PCMTD2: variants seen among roughly 807,000 people sequenced by gnomAD.
PCMTD2 encodes protein-L-isoaspartate (D-aspartate) O-methyltransferase domain containing 2.
Under a neutral mutation model 33.4 loss-of-function variants are expected in PCMTD2, and 16 were observed. The observed-to-expected ratio is 0.48, with a 90% CI of 0.32 to 0.73. The LOEUF (loss-of-function observed/expected upper bound fraction) is 0.73, where lower values mean the gene tolerates loss of function less well. PCMTD2 is among the 30% of genes least tolerant of loss of function. PCMTD2 has a pLI of 0.03. For missense variants in PCMTD2, 374 were observed against 449.9 expected, an observed-to-expected ratio of 0.83 and a Z score of 1.53; for synonymous variants, 161 against 160.8, an observed-to-expected ratio of 1.00 and a Z score of -0.01.
At chr20:64,260,554 G>A (rs999530077) in intron 2 of PCMTD2, among the ~76,000 whole-genome samples, 3 of 152,072 alleles carry the variant, frequency 2.0e-5, no homozygotes, top group Non-Finnish European at 2.9e-5. Flanking sequence ...TCTGGACAGC[G>A]GAGGATAAAG....
At position 64,260,020 on chromosome 20, in the gene PCMTD2, A is replaced by G; in HGVS notation, c.55A>G (p.Lys19Glu). ...EDNDELIDNL[K>E]EAQYIRTELV... ...CAATGATGAGCTGATAGATAATTTG[A>G]AAGAAGCACAGTATATCCGGACTGA... Residue 19 changes from lysine (K) to glutamate (E), a missense_variant, in exon 2 of 6, where the codon AAA (lysine) becomes GAA (glutamate). Physicochemically the swap from Lys to Glu is moderately conservative, Grantham distance 56. Transcript: ENST00000308824. 1 of 1,613,200 alleles carries G rather than the reference A, an allele frequency of 6.2e-7. No homozygotes were observed. The highest frequency in any genetic ancestry group is 8.5e-7 in the Non-Finnish European group (1 of 1,179,112).
chr20:64,270,028 T>A (rs1162689464), intron 5 of PCMTD2, among the ~76,000 whole-genome samples: 1 of 106,506 alleles, frequency 9.4e-6, no homozygotes, highest in Non-Finnish European at 1.9e-5. Flanking sequence ...GCGTGCACGG[T>A]ATGGGGTTGT....
intron 4 of PCMTD2, 183 bp downstream of exon 4, chr20:64,265,612 A>G: frequency 2.2e-6 from 1 of 446,550 alleles, no homozygotes; most frequent in Non-Finnish European, 3.9e-6. Context: ...AAGCTGACTC[A>G]GGTGGGTGCT....
chr20:64,256,107 C>T (rs866726972), intron 1 of PCMTD2, among the ~76,000 whole-genome samples: 25 of 152,304 alleles, frequency 1.6e-4, no homozygotes, highest in Middle Eastern at 3.4e-3. Flanking sequence ...TCTCCCGGTG[C>T]CCGTTGCTCA....
intron 1 of PCMTD2, 150 bp from the exon 2 acceptor site, chr20:64,259,792 T>TG: frequency 1.8e-6 from 1 of 553,352 alleles, no homozygotes. Flanking sequence ...CTGGCATCTC[T>TG]GGGTGGGGCA....
At chr20:64,269,655 GGTGT>G (rs1311316036) in intron 5 of PCMTD2, among the ~76,000 whole-genome samples, 2 of 151,734 alleles carry the variant, frequency 1.3e-5, no homozygotes, top group South Asian at 2.1e-4. Context: ...CGTGGTGTGG[GGTGT>G]GTAAGTTTAG....
rs1986047278 is a variant in PCMTD2, at chr20:64,274,738, G to T, written c.*1138G>T. 1.3e-5 allele frequency: 2 copies of T among 152,190 alleles called. No individual in the cohort carries two copies. The highest frequency in any genetic ancestry group is 4.1e-4 in the South Asian group (2 of 4,834). 9.4% of individuals were successfully genotyped at this position (152,190 alleles called of 1,614,324 possible). On this transcript the variant is annotated 3_prime_UTR_variant, in exon 6 of 6. Coordinates refer to ENST00000308824, the MANE Select transcript of PCMTD2 (RefSeq NM_018257.3). ...AAGAGTGTAACTCACACTGACTTGT[G>T]ATATCAGCCTTCTCTGGGCCTTGTG...
chr20:64,264,521 A>AGTTTTGACAAGTAAGATGAAATACTATCC lies in PCMTD2; in HGVS notation c.401_410+19dup. On this transcript the variant is annotated stop_gained and frameshift_variant, in exon 3 of 6. Transcript: ENST00000308824. LOFTEE classifies it high-confidence loss of function. ...GGACTTCTTCATCAGAACAAGTGATAGTTTTGACAAGTAAGATGAAATACT... is the reference window on the plus strand; with the variant it reads ...GGACTTCTTCATCAGAACAAGTGATAGTTTTGACAAGTAAGATGAAATACTATCCGTTTTGACAAGTAAGATGAAATACT... 1 of 1,511,426 alleles carries AGTTTTGACAAGTAAGATGAAATACTATCC rather than the reference A, an allele frequency of 6.6e-7. No individual in the cohort carries two copies. Among genetic ancestry groups the AGTTTTGACAAGTAAGATGAAATACTATCC allele is most frequent in the Non-Finnish European group, 9.2e-7 (1 of 1,086,550 alleles). 93.6% of individuals were successfully genotyped at this position (1,511,426 alleles called of 1,614,324 possible). A position where few individuals can be genotyped will look rare whatever the true frequency, so the allele number is the denominator to read the frequency against.
At chr20:64,265,495 C>T (rs775285224) in intron 4 of PCMTD2, 66 bp downstream of exon 4, 18 of 1,190,220 alleles carry the variant, frequency 1.5e-5, no homozygotes, top group Admixed American at 4.8e-5. Context: ...GGGCAGTGTA[C>T]GGATACTTAC....
At chr20:64,265,584 T>A in intron 4 of PCMTD2, 155 bp downstream of exon 4, 2 of 534,392 alleles carry the variant, frequency 3.7e-6, no homozygotes, top group Non-Finnish European at 3.1e-6. Context: ...GTCACGCACA[T>A]GCCCTAGCTG....
chr20:64,265,387 T>C lies in PCMTD2; in HGVS notation c.540T>C (p.Leu180=). Reference sequence around the variant, plus strand: ...AGCATGAAGAGTACATGAAGAATCTTCTCAAAGTGGGAGGGATCCTTGTCA... The same window carrying C: ...AGCATGAAGAGTACATGAAGAATCTCCTCAAAGTGGGAGGGATCCTTGTCA... ...QKEHEEYMKN[L]LKVGGILVMP... Residue 180 remains leucine (L), a synonymous_variant, in exon 4 of 6, where the codon CTT becomes CTC. Transcript: ENST00000308824. 1 of 1,613,560 alleles carries C rather than the reference T, an allele frequency of 6.2e-7. No individual in the cohort carries two copies. Among genetic ancestry groups the C allele is most frequent in the African/African-American group, 1.3e-5 (1 of 75,038 alleles).
At chr20:64,269,938 G>C (rs7261676) in intron 5 of PCMTD2, among the ~76,000 whole-genome samples, 1 of 149,076 alleles carries the variant, frequency 6.7e-6, no homozygotes, top group Admixed American at 6.7e-5. Context: ...CCTGCACGGT[G>C]TGGGGTCCCG....
intron 5 of PCMTD2, among the ~76,000 whole-genome samples, chr20:64,272,572 G>A (rs73626477): frequency 3.3e-5 from 5 of 152,182 alleles, no homozygotes; most frequent in African/African-American, 1.2e-4. Context: ...TAATCCCAGC[G>A]CTTTGGGAGG....
At chr20:64,271,947 G>A (rs917210056) in intron 5 of PCMTD2, 18 of 315,534 alleles carry the variant, frequency 5.7e-5, no homozygotes, top group South Asian at 4.5e-4. Context: ...GATGATGAAG[G>A]AAGGAAGGAT....
chr20:64,269,910 G>A (rs1329340226), intron 5 of PCMTD2, among the ~76,000 whole-genome samples: 1 of 150,000 alleles, frequency 6.7e-6, no homozygotes, highest in Non-Finnish European at 1.5e-5. Context: ...CATGCATGGT[G>A]TGTGGTGTGA....
intron 2 of PCMTD2, among the ~76,000 whole-genome samples, chr20:64,261,195 G>A (rs934731616): frequency 1.3e-5 from 2 of 152,156 alleles, no homozygotes; most frequent in Non-Finnish European, 2.9e-5. Flanking sequence ...GTGAGGGGCG[G>A]GGAAGGCATC....
chr20:64,256,695 C>T (rs866723693), intron 1 of PCMTD2: 2 of 152,236 alleles, frequency 1.3e-5, no homozygotes, highest in Non-Finnish European at 2.9e-5. Context: ...GAGAGGAGAC[C>T]TCAGAGGTGA....
chr20:64,264,366 T>C, intron 2 of PCMTD2, 63 bp from the exon 3 acceptor site: 1 of 815,830 alleles, frequency 1.2e-6, no homozygotes, highest in Admixed American at 1.8e-5. Flanking sequence ...TTGGTAGAAG[T>C]GAACAGATGA....
chr20:64,266,576 A>G (rs892210019), intron 4 of PCMTD2, among the ~76,000 whole-genome samples: 6 of 152,058 alleles, frequency 3.9e-5, no homozygotes, highest in Non-Finnish European at 1.5e-5. Flanking sequence ...TTTTTTAGTG[A>G]TGGGCTCTCA....
Sources: gnomAD v4.1 joint callset for allele counts (sites outside exome capture counted in the v4.1 genomes callset) on GRCh38, gnomAD v4.1.1 for gene constraint, MANE v1.5 for transcripts, NCBI Gene and HGNC (gene_info 2026-07-23, HGNC 2026-07-21) for gene names.